The following GFPT2 variants were observed in gnomAD, a reference collection of about 807,000 sequenced individuals.
GFPT2 encodes the protein glutamine--fructose-6-phosphate transaminase 2.
A neutral mutation model predicts 85.6 loss-of-function variants in GFPT2; 62 were observed. The ratio of observed to expected loss-of-function variants is 0.72; its 90% CI spans 0.59 to 0.90. GFPT2 has a LOEUF of 0.90. Ranked by LOEUF, GFPT2 falls within the 40% of genes least tolerant of loss-of-function variation. The pLI is 0.00. For synonymous variants in GFPT2, 368 were observed against 344.5 expected (o/e 1.07, Z -0.75); for missense variants, 788 against 893.4 (o/e 0.88, Z 1.50).
intron 2 of GFPT2, among the ~76,000 whole-genome samples, chr5:180,336,920 G>A (rs1014807058): frequency 9.9e-5 from 15 of 152,262 alleles, no homozygotes; most frequent in African/African-American, 3.1e-4. Context: ...AGGGCTCCTC[G>A]CATTGTGATA....
chr5:180,337,310 G>A (rs1241378942), intron 2 of GFPT2, among the ~76,000 whole-genome samples: 1 of 152,116 alleles, frequency 6.6e-6, no homozygotes, highest in Non-Finnish European at 1.5e-5. Context: ...AAAATTAGCA[G>A]GGTGTGGTGG....
At chr5:180,324,445 T>A in intron 8 of GFPT2, 140 bp from the exon 9 acceptor site, 1 of 614,338 alleles carries the variant, frequency 1.6e-6, no homozygotes, top group Non-Finnish European at 2.9e-6. Flanking sequence ...CCAAATCGTG[T>A]AAAAGATCCC....
intron 16 of GFPT2, among the ~76,000 whole-genome samples, chr5:180,306,333 G>A (rs1763777200): frequency 6.6e-6 from 1 of 152,200 alleles, no homozygotes; most frequent in South Asian, 2.1e-4. Flanking sequence ...GGAGAGGATG[G>A]CAGCCCAGCT....
At chr5:180,302,144 A>G (rs1005080420) in intron 18 of GFPT2, among the ~76,000 whole-genome samples, 8 of 150,664 alleles carry the variant, frequency 5.3e-5, no homozygotes, top group Admixed American at 4.0e-4. Flanking sequence ...AAAATTAGCC[A>G]GGCATGGTGG....
chr5:180,320,656 C>T (rs1366933174), intron 9 of GFPT2, among the ~76,000 whole-genome samples: 2 of 152,116 alleles, frequency 1.3e-5, no homozygotes, highest in Non-Finnish European at 2.9e-5. Flanking sequence ...ACCTGTAATC[C>T]CAGCTACTTG....
intron 1 of GFPT2, chr5:180,352,657 T>C (rs925445517): frequency 1.1e-5 from 5 of 439,634 alleles, no homozygotes; most frequent in South Asian, 1.6e-5. Flanking sequence ...AGACGTTCCT[T>C]TGGGGTCGCG....
At chr5:180,349,828 G>A (rs1764677079) in intron 1 of GFPT2, among the ~76,000 whole-genome samples, 1 of 151,630 alleles carries the variant, frequency 6.6e-6, no homozygotes, top group African/African-American at 2.4e-5. Context: ...CAAGGCAAGG[G>A]CTTCACCTTC....
At position 180,307,183 on chromosome 5, in the gene GFPT2, C is replaced by T. The variant is rs753554814; in HGVS notation, c.1667G>A (p.Gly556Glu). The change falls in exon 16 of 19, where the codon GGA (glycine) becomes GAA (glutamate). Residue 556 changes from glycine (G) to glutamate (E), a missense_variant. By Grantham distance (98) the Gly-to-Glu change is moderately conservative (BLOSUM62 -2). Coordinates refer to ENST00000253778, the MANE Select transcript of GFPT2 (RefSeq NM_005110.4). The part of the protein sequence containing the change: ...RGYNYATCLE[G>E]ALKIKEITYM... ...CTGGGGGTGGGGGCTCACCAGGGCT[C>T]CTTCCAGGCAGGTGGCATAGTTGTA... 1.3e-6 allele frequency: 2 copies of T among 1,575,774 alleles called. No individual in the cohort carries two copies.
At chr5:180,342,407 GTTTTTTTTTTTT>G (rs757456841) in intron 1 of GFPT2, among the ~76,000 whole-genome samples, 2 of 109,322 alleles carry the variant, frequency 1.8e-5, no homozygotes, top group East Asian at 5.7e-4. Flanking sequence ...TAGGTGAAAT[GTTTTTTTTTTTT>G]TTTTTTTTGA....
intron 1 of GFPT2, chr5:180,352,926 G>A: frequency 2.3e-6 from 1 of 437,574 alleles, no homozygotes; most frequent in Non-Finnish European, 4.0e-6. Flanking sequence ...ACCGGACCAG[G>A]TCCCTCCCCT....
rs200652093 is a variant in GFPT2, at chr5:180,335,895, C to G, written c.273G>C (p.Thr91=). ...TGGGGACCCCGTGGGTGGCCCAGCG[C>G]GTGTGGGCAATGCCGAAGTGTGTCT... The part of the protein sequence containing the change: ...EFETHFGIAH[T]RWATHGVPSA... The change falls in exon 4 of 19, where the codon ACG becomes ACC. Residue 91 remains threonine, a synonymous_variant. Transcript: ENST00000253778. 1.3e-6 allele frequency: 2 copies of G among 1,581,040 alleles called. No homozygotes were observed. The highest frequency in any genetic ancestry group is 1.7e-6 in the Non-Finnish European group (2 of 1,168,886).
intron 1 of GFPT2, among the ~76,000 whole-genome samples, chr5:180,347,457 C>A (rs776158312): frequency 6.6e-6 from 1 of 152,130 alleles, no homozygotes; most frequent in Non-Finnish European, 1.5e-5. Flanking sequence ...TAAAATGAAC[C>A]GGGAAAGGTC....
intron 1 of GFPT2, among the ~76,000 whole-genome samples, chr5:180,344,086 A>G (rs1764566793): frequency 6.6e-6 from 1 of 152,262 alleles, no homozygotes; most frequent in South Asian, 2.1e-4. Flanking sequence ...CAGTGCAGCC[A>G]CACAGCAGGG....
intron 1 of GFPT2, among the ~76,000 whole-genome samples, chr5:180,346,621 G>A (rs1380307865): frequency 2.0e-5 from 3 of 152,308 alleles, no homozygotes; most frequent in Non-Finnish European, 2.9e-5. Context: ...TGCAGCTTCC[G>A]CCCTCTGGGT....
chr5:180,324,557 C>A, intron 8 of GFPT2: 1 of 586,356 alleles, frequency 1.7e-6, no homozygotes, highest in Admixed American at 3.1e-5. Flanking sequence ...AGCCCAGTTG[C>A]CGTTATACAA....
chr5:180,334,844 C>T (rs1182626652), intron 4 of GFPT2, among the ~76,000 whole-genome samples: 1 of 152,236 alleles, frequency 6.6e-6, no homozygotes. Context: ...CTCTTCTGCT[C>T]CATGCCTACT....
At chr5:180,320,225 C>T (rs1764092272) in intron 9 of GFPT2, among the ~76,000 whole-genome samples, 4 of 151,968 alleles carry the variant, frequency 2.6e-5, no homozygotes, top group South Asian at 2.1e-4. Flanking sequence ...ATCTCCTGAC[C>T]TCGTGATCCG....
intron 18 of GFPT2, 99 bp from the exon 19 acceptor site, chr5:180,301,707 T>C (rs4700931): frequency 0.44 from 435,545 of 992,494 alleles, 97,785 homozygotes; most frequent in East Asian, 0.6. Context: ...AAGAGACAGA[T>C]GTTCACCATG....
intron 1 of GFPT2, among the ~76,000 whole-genome samples, chr5:180,341,656 T>C (rs1350340203): frequency 6.6e-6 from 1 of 152,178 alleles, no homozygotes; most frequent in East Asian, 1.9e-4. Context: ...ACAGGCGTTT[T>C]CCTTTAAAAT....
Sources: gnomAD v4.1 joint callset for allele counts (sites outside exome capture counted in the v4.1 genomes callset) on GRCh38, gnomAD v4.1.1 for gene constraint, MANE v1.5 for transcripts, NCBI Gene and HGNC (gene_info 2026-07-23, HGNC 2026-07-21) for gene names.